LRRIQ1: variants seen among roughly 807,000 people sequenced by gnomAD.
The protein encoded by LRRIQ1 is leucine rich repeats and IQ motif containing 1.
In LRRIQ1, 210 loss-of-function variants were observed where a neutral mutation model predicts 211.9. The ratio of observed to expected loss-of-function variants is 0.99; its 90% CI spans 0.89 to 1.11. The LOEUF is 1.11. Ranked by LOEUF, LRRIQ1 falls within the 50% of genes most tolerant of loss-of-function variation. The pLI, the probability that LRRIQ1 is intolerant of heterozygous loss-of-function variation, is 0.00. For missense variants in LRRIQ1, 2,136 were observed against 1,939.5 expected, an observed-to-expected ratio of 1.10 and a Z score of -1.90; for synonymous variants, 699 against 650.1, an observed-to-expected ratio of 1.08 and a Z score of -1.14.
At chr12:85,097,089 T>C (rs1050345020) in intron 11 of LRRIQ1, among the ~76,000 whole-genome samples, 2 of 152,162 alleles carry the variant, frequency 1.3e-5, no homozygotes, top group African/African-American at 2.4e-5. Flanking sequence ...AGCAGACAGA[T>C]GGGTCTTGTT....
chr12:85,056,480 A>T lies in LRRIQ1; in HGVS notation c.1687A>T (p.Ile563Phe). 6 of 1,611,482 alleles carry T rather than the reference A, an allele frequency of 3.7e-6. No individual in the cohort carries two copies. Among genetic ancestry groups the T allele is most frequent in the Non-Finnish European group, 5.1e-6 (6 of 1,179,092 alleles). The stretch of plus-strand genomic sequence containing the variant: ...GATAATATTAGGACATAACCAAGAA[A>T]TCAGTGAGGTGAAAACCAATGAAGA... ...TQIILGHNQE[I>F]SEVKTNEEQK... The change falls in exon 8 of 27, where the codon ATC becomes TTC. Residue 563 changes from isoleucine to phenylalanine, a missense_variant. Ile to Phe is a conservative substitution (Grantham distance 21). Transcript: ENST00000393217.
At position 85,055,822 on chromosome 12, in the gene LRRIQ1, A is replaced by G. The variant is rs1197150521; in HGVS notation, c.1029A>G (p.Gln343=). The part of the protein sequence containing the change: ...EENRKRLEEE[Q]RIKEERKKQK... ...ATCGAAAAAGATTAGAGGAGGAACA[A>G]AGGATAAAAGAAGAGAGAAAAAAGC... Residue 343 remains glutamine, a synonymous_variant, in exon 8 of 27, where the codon CAA becomes CAG. Coordinates refer to ENST00000393217, the MANE Select transcript of LRRIQ1 (RefSeq NM_001079910.2). The G allele has an allele frequency of 6.9e-6, 11 of 1,591,992 alleles. No homozygotes were observed. The highest frequency in any genetic ancestry group is 9.4e-6 in the Non-Finnish European group (11 of 1,168,298).
intron 22 of LRRIQ1, 71 bp downstream of exon 22, chr12:85,153,829 T>G (rs1890386390): frequency 2.7e-6 from 3 of 1,098,742 alleles, no homozygotes; most frequent in Non-Finnish European, 2.6e-6. Flanking sequence ...CAGATACTTT[T>G]CAAGATTTTA....
chr12:85,046,533 A>G (rs1245307797), intron 5 of LRRIQ1, among the ~76,000 whole-genome samples: 3 of 152,212 alleles, frequency 2.0e-5, no homozygotes, highest in South Asian at 2.1e-4. Flanking sequence ...CTATTCAACA[A>G]TGTATTTTAT....
chr12:85,272,300 G>A, the LRRIQ1 span, among the ~76,000 whole-genome samples: 1 of 152,144 alleles, frequency 6.6e-6, no homozygotes, highest in Middle Eastern at 3.4e-3. Context: ...AGATTAAAGG[G>A]CATTTCTACT....
At chr12:85,063,121 A>G (rs572515400) in intron 8 of LRRIQ1, among the ~76,000 whole-genome samples, 18 of 151,686 alleles carry the variant, frequency 1.2e-4, no homozygotes, top group Admixed American at 4.0e-4. Flanking sequence ...TGCATAGTCT[A>G]CAGATTTTTT....
At chr12:85,040,646 T>A (rs1878765556) in intron 3 of LRRIQ1, 45 bp downstream of exon 3, 2 of 1,145,788 alleles carry the variant, frequency 1.7e-6, no homozygotes, top group African/African-American at 1.6e-5. Flanking sequence ...TTTCTGTAAG[T>A]ATGAACAAAT....
At chr12:85,090,646 G>A (rs1352782862) in intron 11 of LRRIQ1, among the ~76,000 whole-genome samples, 1 of 152,132 alleles carries the variant, frequency 6.6e-6, no homozygotes, top group African/African-American at 2.4e-5. Flanking sequence ...CTCCCTTTTG[G>A]AATTGTAGTG....
intron 7 of LRRIQ1, among the ~76,000 whole-genome samples, chr12:85,053,102 T>C (rs1880526122): frequency 1.3e-5 from 2 of 151,646 alleles, no homozygotes; most frequent in South Asian, 4.2e-4. Context: ...ATTAGTGAAA[T>C]GAGACAGTTC....
chr12:85,098,905 G>T lies in LRRIQ1; in HGVS notation c.3120G>T (p.Leu1040Phe). The change falls in exon 13 of 27, where the codon TTG (leucine) becomes TTT (phenylalanine). Residue 1040 changes from leucine (L) to phenylalanine (F), a missense_variant. Coordinates refer to ENST00000393217, the MANE Select transcript of LRRIQ1 (RefSeq NM_001079910.2). ...SLENLVLLRELHLDDNSISTV... is the reference protein window; with the variant it reads ...SLENLVLLREFHLDDNSISTV... ...AGAATCTTGTTTTACTAAGAGAATT[G>T]CACTTGGATGATAACAGCATTTCAA... The T allele has an allele frequency of 1.9e-6, 3 of 1,568,286 alleles. No homozygotes were observed. The South Asian group carries it at 3.6e-5, about 19-fold the overall frequency.
rs544661117 is a variant in LRRIQ1, at chr12:85,165,990, A to T, written c.4822+5276A>T. 1.1e-4 allele frequency among the ~76,000 whole-genome samples: 16 copies of T among 152,092 alleles called. No individual in the cohort carries two copies. The East Asian group carries it at 2.9e-3, about 28-fold the overall frequency. On this transcript the variant is annotated intron_variant, in intron 24 of 26. Transcript: ENST00000393217. ...GATTGCTGTGTCGAATGGTAGTTCT[A>T]TTTTCAGTTCTTTGAGAAATCTCCC...
At chr12:85,255,405 A>G (rs1184294584) in intron 1 of LRRIQ1, among the ~76,000 whole-genome samples, 1 of 151,822 alleles carries the variant, frequency 6.6e-6, no homozygotes, top group Non-Finnish European at 1.5e-5. Flanking sequence ...TTCCTATTAA[A>G]ATATTAAAAC....
In LRRIQ1 at chr12:85,192,631, AAT is replaced by A. The variant is rs1408631041; in HGVS notation, c.4822+31925_4822+31926del. Among the ~76,000 whole-genome samples, 54 of 101,716 alleles carry A rather than the reference AAT, an allele frequency of 5.3e-4. 12 individuals are homozygous for A. The highest frequency in any genetic ancestry group is 2.3e-3 in the African/African-American group (48 of 20,972). 66.7% of individuals were successfully genotyped at this position (101,716 alleles called of 152,430 possible). On this transcript the variant is annotated intron_variant, in intron 24 of 26. Transcript: ENST00000393217. Reference sequence around the variant, plus strand: ...TAGTTATATACTATAATTATAAATAAATATATATAGTTATATACTATAATTAT... The same window carrying A: ...TAGTTATATACTATAATTATAAATAAATATATAGTTATATACTATAATTAT...
downstream of LRRIQ1, among the ~76,000 whole-genome samples, chr12:85,246,709 T>C (rs911076969): frequency 9.2e-5 from 14 of 151,482 alleles, no homozygotes; most frequent in Admixed American, 2.0e-4. Context: ...CAACAAATAA[T>C]ATTACTGAAA....
intron 1 of LRRIQ1, among the ~76,000 whole-genome samples, chr12:85,257,138 A>T (rs1333852733): frequency 8.7e-6 from 1 of 115,422 alleles, no homozygotes. Context: ...AATATATATT[A>T]TATATTTATA....
intron 11 of LRRIQ1, 91 bp from the exon 12 acceptor site, chr12:85,098,264 A>G: frequency 1.3e-6 from 1 of 754,924 alleles, no homozygotes; most frequent in Non-Finnish European, 2.1e-6. Flanking sequence ...AGAAATACAA[A>G]GGTGCAATTA....
chr12:85,048,558 C>CAAAAAAAAAAAAAAAAAA (rs35906760), intron 6 of LRRIQ1: 7 of 77,948 alleles, frequency 9.0e-5, no homozygotes, highest in Admixed American at 2.6e-4. Flanking sequence ...GACTCCGTCT[C>CAAAAAAAAAAAAAAAAAA]AAAAAAAAAA....
In LRRIQ1 at chr12:85,231,877, A is replaced by G. The variant is rs899624375; in HGVS notation, c.4956-819A>G. On this transcript the variant is annotated intron_variant, in intron 25 of 26. Coordinates refer to ENST00000393217, the MANE Select transcript of LRRIQ1 (RefSeq NM_001079910.2). ...TTGCTACATTGGGGATCAAATTTCA[A>G]CATGAGTTTTGGTGAGACTACATCC... 8.9e-4 allele frequency among the ~76,000 whole-genome samples: 136 copies of G among 152,084 alleles called. 1 individual carries two copies. The highest frequency in any genetic ancestry group is 8.8e-3 in the Admixed American group (134 of 15,258).
At position 85,244,468 on chromosome 12, in the gene LRRIQ1, G is replaced by A. The variant is rs143259295; in HGVS notation, c.5017-321G>A. 7.0e-4 allele frequency among the ~76,000 whole-genome samples: 106 copies of A among 151,596 alleles called. No homozygotes were observed. In the East Asian group the frequency reaches 0.017, roughly 24 times the overall value. On this transcript the variant is annotated intron_variant, in intron 26 of 26. Transcript: ENST00000393217. ...AATTAAAAATTAAATAATATACTTG[G>A]CAAATAAATAATGTTAAGCTCTTTA...
Sources: gnomAD v4.1 joint callset for allele counts (sites outside exome capture counted in the v4.1 genomes callset) on GRCh38, gnomAD v4.1.1 for gene constraint, MANE v1.5 for transcripts, NCBI Gene and HGNC (gene_info 2026-07-23, HGNC 2026-07-21) for gene names.